The following TAF4B variants were observed in gnomAD, a reference collection of about 807,000 sequenced individuals.
TAF4B encodes the protein TATA-box binding protein associated factor 4b.
TAF4B carries 38 observed loss-of-function variants against 86.4 expected under a neutral mutation model. The observed-to-expected ratio is 0.44, with a 90% CI of 0.34 to 0.58. TAF4B has a LOEUF of 0.58. TAF4B is among the 20% of genes least tolerant of loss of function. The pLI, the probability that TAF4B is intolerant of heterozygous loss-of-function variation, is 0.02. For synonymous variants in TAF4B, 388 were observed against 391.2 expected, an observed-to-expected ratio of 0.99 and a Z score of 0.10; for missense variants, 988 against 1,027.6, an observed-to-expected ratio of 0.96 and a Z score of 0.53.
intron 9 of TAF4B, chr18:26,304,666 A>G (rs1393263943): frequency 1.0e-6 from 1 of 955,622 alleles, no homozygotes; most frequent in East Asian, 1.2e-4. Flanking sequence ...CACTTTTCCC[A>G]TTGTAATCAA....
chr18:26,349,591 A>G (rs2057227917), intron 13 of TAF4B, among the ~76,000 whole-genome samples: 1 of 152,228 alleles, frequency 6.6e-6, no homozygotes, highest in Non-Finnish European at 1.5e-5. Flanking sequence ...ATGCTCATGG[A>G]TCAGAAGAAT....
intron 7 of TAF4B, 105 bp downstream of exon 7, chr18:26,286,604 C>A: frequency 8.2e-7 from 1 of 1,221,542 alleles, no homozygotes; most frequent in Non-Finnish European, 1.1e-6. Flanking sequence ...ATACTGTTTA[C>A]GGGTTTGACC....
intron 14 of TAF4B, among the ~76,000 whole-genome samples, chr18:26,380,737 A>C (rs898463769): frequency 2.0e-5 from 3 of 151,380 alleles, no homozygotes; most frequent in African/African-American, 7.3e-5. Context: ...GTTTACTTCC[A>C]CCTTATCTGT....
chr18:26,259,184 T>G (rs1017668200), intron 1 of TAF4B, among the ~76,000 whole-genome samples: 2 of 150,686 alleles, frequency 1.3e-5, no homozygotes, highest in African/African-American at 4.9e-5. Context: ...TTTTTTTTTT[T>G]CTGTTCCTTT....
intron 1 of TAF4B, among the ~76,000 whole-genome samples, chr18:26,262,572 T>A (rs2144531587): frequency 6.6e-6 from 1 of 152,044 alleles, no homozygotes; most frequent in Admixed American, 6.5e-5. Context: ...CCTCCCAGTT[T>A]CAAGCGATTC....
rs144617717 is a variant in TAF4B, at chr18:26,226,473, C to T, written c.-461C>T. On this transcript the variant is annotated 5_prime_UTR_variant, in exon 1 of 15. Transcript: ENST00000269142. The stretch of plus-strand genomic sequence containing the variant: ...GCTATATAAACATGGCTGGCGTGGC[C>T]GCGCGGCGGGGCCGTGCCAATCGCG... 2.7e-3 allele frequency: 417 copies of T among 152,880 alleles called. 4 individuals carry two copies. The highest frequency in any genetic ancestry group is 0.019 in the East Asian group (97 of 5,192). 9.5% of individuals were successfully genotyped at this position (152,880 alleles called of 1,614,324 possible). A position where few individuals can be genotyped will look rare whatever the true frequency, so the allele number is the denominator to read the frequency against.
chr18:26,344,841 A>G (rs542051149), intron 13 of TAF4B, among the ~76,000 whole-genome samples: 11 of 152,288 alleles, frequency 7.2e-5, no homozygotes, highest in African/African-American at 2.2e-4. Flanking sequence ...AGACACACCT[A>G]TAAATGATTA....
intron 1 of TAF4B, among the ~76,000 whole-genome samples, chr18:26,242,539 G>A (rs4800732): frequency 0.64 from 96,532 of 150,874 alleles, 32,873 homozygotes; most frequent in African/African-American, 0.87. Context: ...TCTTTATCCA[G>A]TTTGCCAGTC....
chr18:26,308,708 A>G (rs1233038708), intron 9 of TAF4B, among the ~76,000 whole-genome samples: 1 of 151,882 alleles, frequency 6.6e-6, no homozygotes, highest in Non-Finnish European at 1.5e-5. Context: ...CCCTGTCTCT[A>G]CTAAAAATAC....
chr18:26,241,077 A>T (rs1307019874), intron 1 of TAF4B, among the ~76,000 whole-genome samples: 1 of 152,162 alleles, frequency 6.6e-6, no homozygotes, highest in Non-Finnish European at 1.5e-5. Context: ...AGGCTTTGGT[A>T]TCAGGATGGT....
At chr18:26,241,499 C>T (rs1162400451) in intron 1 of TAF4B, among the ~76,000 whole-genome samples, 6 of 152,000 alleles carry the variant, frequency 3.9e-5, no homozygotes, top group Non-Finnish European at 5.9e-5. Flanking sequence ...GTCTTGCTAG[C>T]GGACTATTAA....
intron 9 of TAF4B, among the ~76,000 whole-genome samples, chr18:26,302,753 C>G (rs1263640721): frequency 2.0e-5 from 3 of 151,972 alleles, no homozygotes; most frequent in East Asian, 3.9e-4. Context: ...TCGTTTTTCC[C>G]CATATAGGAA....
intron 12 of TAF4B, among the ~76,000 whole-genome samples, chr18:26,327,812 C>G (rs2144686335): frequency 6.6e-6 from 1 of 152,346 alleles, no homozygotes; most frequent in African/African-American, 2.4e-5. Context: ...TCTTGGAACT[C>G]CGACCTTGGG....
chr18:26,227,655 T>C (rs2055599122), intron 1 of TAF4B, among the ~76,000 whole-genome samples: 1 of 152,172 alleles, frequency 6.6e-6, no homozygotes, highest in South Asian at 2.1e-4. Flanking sequence ...TAATTATGAA[T>C]GAATGAATGA....
intron 11 of TAF4B, among the ~76,000 whole-genome samples, chr18:26,325,391 G>A (rs1186854276): frequency 6.6e-6 from 1 of 152,216 alleles, no homozygotes; most frequent in Non-Finnish European, 1.5e-5. Context: ...GTTGGTGCAT[G>A]AAATCTTCAG....
At chr18:26,341,896 G>GT (rs142511715) in intron 13 of TAF4B, among the ~76,000 whole-genome samples, 17,026 of 151,306 alleles carry the variant, frequency 0.11, 977 homozygotes, top group African/African-American at 0.14. Context: ...ATGTTTAGTA[G>GT]TTTTTTTTTC....
At chr18:26,255,800 A>G (rs2056075389) in intron 1 of TAF4B, 3 of 1,487,654 alleles carry the variant, frequency 2.0e-6, no homozygotes, top group Non-Finnish European at 2.8e-6. Flanking sequence ...GATGTGTGTC[A>G]ATGAGAACTT....
At chr18:26,297,799 A>G (rs992399927) in intron 9 of TAF4B, among the ~76,000 whole-genome samples, 1 of 152,210 alleles carries the variant, frequency 6.6e-6, no homozygotes, top group African/African-American at 2.4e-5. Context: ...TGCTGGGAAC[A>G]CTTGTGTCTA....
chr18:26,284,607 G>A (rs959472290), intron 6 of TAF4B, among the ~76,000 whole-genome samples: 1 of 152,230 alleles, frequency 6.6e-6, no homozygotes, highest in Non-Finnish European at 1.5e-5. Context: ...GCTGGGCGTG[G>A]TGGCTCACGC....
Sources: allele counts gnomAD v4.1 joint callset (sites outside exome capture counted in the v4.1 genomes callset), GRCh38; gene constraint gnomAD v4.1.1; transcripts MANE v1.5; gene names NCBI Gene and HGNC (gene_info 2026-07-23, HGNC 2026-07-21).